Variants in IMMP2L observed in about 807,000 individuals in gnomAD.
IMMP2L encodes mitochondrial inner membrane protease subunit 2.
Under a neutral mutation model 19.3 loss-of-function variants are expected in IMMP2L, and 18 were observed. That is an observed-to-expected ratio of 0.93 (90% CI 0.64 to 1.38). The LOEUF (loss-of-function observed/expected upper bound fraction) is 1.38. Ranked by LOEUF, IMMP2L falls within the 40% of genes most tolerant of loss-of-function variation. The pLI is 0.00. For missense variants in IMMP2L, 233 were observed against 218.2 expected (o/e 1.07, Z -0.43); for synonymous variants, 76 against 73.0 (o/e 1.04, Z -0.21).
intron 3 of IMMP2L, among the ~76,000 whole-genome samples, chr7:111,453,359 A>G (rs140216991): frequency 1.7e-4 from 26 of 152,222 alleles, no homozygotes; most frequent in African/African-American, 6.3e-4. Context: ...TCTCCCCACT[A>G]TGACAGCAGA....
intron 4 of IMMP2L, among the ~76,000 whole-genome samples, chr7:110,943,657 G>A (rs1193199030): frequency 6.6e-6 from 1 of 151,996 alleles, no homozygotes; most frequent in African/African-American, 2.4e-5. Flanking sequence ...TGCAACCCAT[G>A]GGGAACATAT....
At chr7:110,928,475 CAA>C (rs79902656) in intron 4 of IMMP2L, among the ~76,000 whole-genome samples, 10 of 46,862 alleles carry the variant, frequency 2.1e-4, no homozygotes, top group Non-Finnish European at 2.6e-4. Context: ...GAGAGAAAAA[CAA>C]AAAAAAAAAA....
chr7:111,102,096 T>A (rs74545312), intron 3 of IMMP2L, among the ~76,000 whole-genome samples: 11 of 149,522 alleles, frequency 7.4e-5, no homozygotes, highest in East Asian at 5.9e-4. Context: ...AAAAAAAAAA[T>A]GAGTCAGAAT....
chr7:111,166,482 C>A (rs1016509114), intron 3 of IMMP2L, among the ~76,000 whole-genome samples: 1 of 151,962 alleles, frequency 6.6e-6, no homozygotes, highest in Non-Finnish European at 1.5e-5. Context: ...TCAAGGAGCA[C>A]CTGGGATTTC....
chr7:110,989,936 T>A (rs1374655128), intron 3 of IMMP2L, among the ~76,000 whole-genome samples: 1 of 152,096 alleles, frequency 6.6e-6, no homozygotes, highest in African/African-American at 2.4e-5. Context: ...TATTAAGCTA[T>A]GTAAACAAAA....
At chr7:110,774,630 C>T (rs886365092) in intron 5 of IMMP2L, among the ~76,000 whole-genome samples, 2 of 151,730 alleles carry the variant, frequency 1.3e-5, no homozygotes, top group Non-Finnish European at 1.5e-5. Context: ...TTTGCTATAC[C>T]TTTTCTATGT....
intron 5 of IMMP2L, among the ~76,000 whole-genome samples, chr7:110,819,104 T>C (rs1414005625): frequency 6.6e-6 from 1 of 151,486 alleles, no homozygotes; most frequent in East Asian, 2.0e-4. Flanking sequence ...AAACTTAAAG[T>C]ATAATAATAA....
At chr7:111,204,978 G>T (rs1810544738) in intron 3 of IMMP2L, among the ~76,000 whole-genome samples, 1 of 152,050 alleles carries the variant, frequency 6.6e-6, no homozygotes, top group African/African-American at 2.4e-5. Context: ...TATCAGACTG[G>T]GTAATTTATA....
intron 3 of IMMP2L, among the ~76,000 whole-genome samples, chr7:111,331,795 G>A (rs1825903762): frequency 6.6e-6 from 1 of 151,760 alleles, no homozygotes; most frequent in African/African-American, 2.4e-5. Flanking sequence ...TTTGTATATA[G>A]CCAAGCTGCC....
At chr7:111,266,398 C>T (rs1447643560) in intron 3 of IMMP2L, among the ~76,000 whole-genome samples, 1 of 151,910 alleles carries the variant, frequency 6.6e-6, no homozygotes, top group Non-Finnish European at 1.5e-5. Context: ...CAGTAATTAG[C>T]CAGGCATGGT....
intron 3 of IMMP2L, among the ~76,000 whole-genome samples, chr7:111,308,422 AGG>A (rs2130202372): frequency 6.6e-6 from 1 of 152,124 alleles, no homozygotes; most frequent in South Asian, 2.1e-4. Context: ...GGGATAGTGC[AGG>A]AGTGAAAAAA....
rs1204790995 is a variant in IMMP2L, at chr7:111,213,209, T to G, written c.240-249644A>C. On this transcript the variant is annotated intron_variant, in intron 3 of 5. Transcript: ENST00000405709. The surrounding 1 kb of genome is among the most constrained non-coding windows in gnomAD (Gnocchi z 4.8). ...CACTTGCTCCGATCTTGGAGTGGAG[T>G]TGAGGCCTAGCCCGGGTGCTGTCAC... Among the ~76,000 whole-genome samples the G allele has an allele frequency of 6.6e-6, 1 of 152,106 alleles. No homozygotes were observed. Among genetic ancestry groups the G allele is most frequent in the Non-Finnish European group, 1.5e-5 (1 of 68,002 alleles).
intron 5 of IMMP2L, among the ~76,000 whole-genome samples, chr7:110,806,291 T>G (rs1801631825): frequency 6.6e-6 from 1 of 151,534 alleles, no homozygotes; most frequent in South Asian, 2.1e-4. Context: ...CACTTTAGAC[T>G]TCATTGTACC....
At chr7:110,807,255 AGCTG>A (rs939871839) in intron 5 of IMMP2L, among the ~76,000 whole-genome samples, 1 of 152,048 alleles carries the variant, frequency 6.6e-6, no homozygotes, top group African/African-American at 2.4e-5. Flanking sequence ...CCCATTTTAA[AGCTG>A]ATAGAGTTAG....
At chr7:110,928,479 A>C (rs1393282479) in intron 4 of IMMP2L, among the ~76,000 whole-genome samples, 2 of 115,774 alleles carry the variant, frequency 1.7e-5, no homozygotes, top group Non-Finnish European at 3.4e-5. Flanking sequence ...GAAAAACAAA[A>C]AAAAAAAAAA....
chr7:111,370,620 G>A (rs1164592685), intron 3 of IMMP2L, among the ~76,000 whole-genome samples: 3 of 151,880 alleles, frequency 2.0e-5, no homozygotes, highest in Non-Finnish European at 2.9e-5. Context: ...AAGAAATCTA[G>A]ATAGTGATGA....
intron 3 of IMMP2L, among the ~76,000 whole-genome samples, chr7:111,315,302 A>G (rs1823938189): frequency 6.6e-6 from 1 of 152,134 alleles, no homozygotes; most frequent in South Asian, 2.1e-4. Context: ...ACAGGTGGTA[A>G]GACAATAGGA....
intron 5 of IMMP2L, among the ~76,000 whole-genome samples, chr7:110,823,175 T>G (rs1803188432): frequency 6.6e-6 from 1 of 152,128 alleles, no homozygotes; most frequent in South Asian, 2.1e-4. Context: ...AGAATAATAC[T>G]GGCATGCTTT....
intron 2 of IMMP2L, among the ~76,000 whole-genome samples, chr7:111,512,064 A>G (rs1041664656): frequency 1.3e-5 from 2 of 152,208 alleles, no homozygotes; most frequent in African/African-American, 2.4e-5. Flanking sequence ...TCATGTATAT[A>G]CACGTAACTG....
Sources: allele counts gnomAD v4.1 joint callset (sites outside exome capture counted in the v4.1 genomes callset), GRCh38; gene constraint gnomAD v4.1.1; non-coding constraint Gnocchi (gnomAD v3.1); transcripts MANE v1.5; gene names NCBI Gene and HGNC (gene_info 2026-07-23, HGNC 2026-07-21).